The following FLI1 variants were observed in gnomAD, a reference collection of about 807,000 sequenced individuals.
FLI1 encodes Fli-1 proto-oncogene, ETS transcription factor.
FLI1 carries 13 observed loss-of-function variants against 53.1 expected under a neutral mutation model. The observed-to-expected ratio is 0.24, with a 90% CI of 0.16 to 0.39. The LOEUF is 0.39. Among genes scored for constraint, FLI1 ranks in the 10% least tolerant of loss-of-function variants. The probability of loss-of-function intolerance (pLI) is 1.00; values close to 1 mark genes in which losing one functional copy is unlikely to be tolerated. For missense variants in FLI1, 424 were observed against 600.5 expected, an observed-to-expected ratio of 0.71 and a Z score of 3.07; for synonymous variants, 244 against 236.7, an observed-to-expected ratio of 1.03 and a Z score of -0.28.
intron 2 of FLI1, among the ~76,000 whole-genome samples, chr11:128,761,400 C>T (rs1051090937): frequency 2.0e-5 from 3 of 152,196 alleles, no homozygotes; most frequent in Admixed American, 6.5e-5. Context: ...CTCACTGACA[C>T]GTGGGCAGGG....
chr11:128,809,459 T>C (rs143980672), intron 8 of FLI1, among the ~76,000 whole-genome samples: 1,542 of 152,260 alleles, frequency 0.01, 9 homozygotes, highest in Middle Eastern at 0.027. Context: ...TAGGTGTAGA[T>C]GAGTAATAAG....
intron 5 of FLI1, among the ~76,000 whole-genome samples, chr11:128,795,400 C>T (rs954129546): frequency 2.0e-5 from 3 of 152,080 alleles, no homozygotes; most frequent in East Asian, 1.9e-4. Context: ...TCAGTAAATA[C>T]CATTGAATAT....
chr11:128,698,614 G>GGCCA (rs1938187156), intron 1 of FLI1, among the ~76,000 whole-genome samples: 2 of 152,070 alleles, frequency 1.3e-5, no homozygotes. Context: ...TGCACCCTTA[G>GGCCA]GCCAGTGTTC....
intron 5 of FLI1, among the ~76,000 whole-genome samples, chr11:128,798,502 G>A (rs145096689): frequency 7.9e-5 from 12 of 152,222 alleles, no homozygotes; most frequent in South Asian, 6.2e-4. Flanking sequence ...CCTTTTCCTC[G>A]TAGGTCTTTT....
chr11:128,797,098 C>G (rs937179611), intron 5 of FLI1, among the ~76,000 whole-genome samples: 1 of 152,218 alleles, frequency 6.6e-6, no homozygotes, highest in African/African-American at 2.4e-5. Flanking sequence ...AGACATAGGT[C>G]AAAAGGCAAA....
intron 1 of FLI1, among the ~76,000 whole-genome samples, chr11:128,750,189 G>C (rs571220802): frequency 2.0e-5 from 3 of 152,196 alleles, no homozygotes; most frequent in Non-Finnish European, 4.4e-5. Context: ...GGCGGAGTGG[G>C]CCCACTGAGC....
At position 128,735,647 on chromosome 11, in the gene FLI1, T is replaced by C. The variant is rs542673309; in HGVS notation, c.19-22468T>C. ...GTCTAGATAAGATAGGAAAGGTAAC[T>C]TTATCACAGCTGTGTGACCCATGAT... is the stretch of plus-strand genomic sequence containing the variant. On this transcript the variant is annotated intron_variant, in intron 1 of 8. Transcript: ENST00000527786. 2.0e-5 allele frequency among the ~76,000 whole-genome samples: 3 copies of C among 152,298 alleles called. No homozygotes were observed. The East Asian group carries it at 5.8e-4, about 29-fold the overall frequency.
intron 1 of FLI1, among the ~76,000 whole-genome samples, chr11:128,719,133 T>C (rs969201572): frequency 6.6e-6 from 1 of 152,146 alleles, no homozygotes; most frequent in Non-Finnish European, 1.5e-5. Context: ...GTGGCCTGCC[T>C]GGATTGCAGT....
chr11:128,794,334 T>C (rs1472788451), intron 5 of FLI1, among the ~76,000 whole-genome samples: 4 of 152,222 alleles, frequency 2.6e-5, no homozygotes, highest in African/African-American at 9.6e-5. Context: ...AATGTGTTGG[T>C]TCTGCCTAGT....
chr11:128,710,360 C>G (rs74403971), intron 1 of FLI1, among the ~76,000 whole-genome samples: 1,800 of 152,118 alleles, frequency 0.012, 40 homozygotes, highest in African/African-American at 0.041. Flanking sequence ...ACGCATTGAA[C>G]TAGGTATTAG....
chr11:128,711,675 G>C (rs1938789706), intron 1 of FLI1, among the ~76,000 whole-genome samples: 1 of 152,142 alleles, frequency 6.6e-6, no homozygotes, highest in Non-Finnish European at 1.5e-5. Flanking sequence ...GGCGATTTCA[G>C]TTTCTCCATT....
At chr11:128,786,458 C>T (rs1434712108) in intron 5 of FLI1, among the ~76,000 whole-genome samples, 3 of 152,172 alleles carry the variant, frequency 2.0e-5, no homozygotes, top group East Asian at 3.9e-4. Context: ...TTCTTTCTGA[C>T]GTGTCCTCAT....
chr11:128,805,599 A>C (rs755290823), intron 6 of FLI1, 168 bp downstream of exon 6: 14 of 552,168 alleles, frequency 2.5e-5, no homozygotes, highest in Non-Finnish European at 4.5e-5. Flanking sequence ...CCAGTCCTTG[A>C]AAGATGATAT....
At chr11:128,796,914 G>T (rs185554164) in intron 5 of FLI1, among the ~76,000 whole-genome samples, 26 of 152,356 alleles carry the variant, frequency 1.7e-4, no homozygotes, top group African/African-American at 5.3e-4. Context: ...GACGGAAGTT[G>T]CAGTGAGCCG....
At chr11:128,768,345 C>T (rs1180422227) in intron 3 of FLI1, 73 bp downstream of exon 3, 9 of 1,561,722 alleles carry the variant, frequency 5.8e-6, no homozygotes, top group Admixed American at 1.7e-5. Context: ...GCATCTAAAC[C>T]TTTATCTGAT....
chr11:128,783,981 A>G (rs1171214467), intron 5 of FLI1, among the ~76,000 whole-genome samples: 1 of 151,918 alleles, frequency 6.6e-6, no homozygotes, highest in East Asian at 1.9e-4. Context: ...AAGCAAGGCT[A>G]TAAGGAAGGA....
At chr11:128,809,920 T>C (rs1942894760) in intron 8 of FLI1, among the ~76,000 whole-genome samples, 1 of 152,282 alleles carries the variant, frequency 6.6e-6, no homozygotes, top group East Asian at 1.9e-4. Flanking sequence ...AACTTAGAGC[T>C]GCAAGCCAAG....
At position 128,768,221 on chromosome 11, in the gene FLI1, C is replaced by T. The variant is rs776142665; in HGVS notation, c.334C>T (p.Pro112Ser). The change falls in exon 3 of 9, where the codon CCC (proline) becomes TCC (serine). Residue 112 changes from proline to serine, a missense_variant. Physicochemically the swap from Pro to Ser is moderately conservative, Grantham distance 74. Coordinates refer to ENST00000527786, the MANE Select transcript of FLI1 (RefSeq NM_002017.5). ...YNSYMDEKNG[P>S]PPPNMTTNER... ...CAGCTATATGGACGAGAAGAATGGC[C>T]CCCCTCCTCCCAACATGACCACCAA... 1.2e-6 allele frequency: 2 copies of T among 1,613,860 alleles called. No individual in the cohort carries two copies. Among genetic ancestry groups the T allele is most frequent in the Admixed American group, 1.7e-5 (1 of 59,998 alleles).
chr11:128,810,334 C>A lies in FLI1; in HGVS notation c.830-125C>A. 1 of 953,994 alleles carries A rather than the reference C, an allele frequency of 1.0e-6. No individual in the cohort carries two copies. Among genetic ancestry groups the A allele is most frequent in the Non-Finnish European group, 1.5e-6 (1 of 651,446 alleles). The allele number at this position is 953,994 out of a possible 1,614,324, so 59.1% of individuals were successfully genotyped here. A position where few individuals can be genotyped will look rare whatever the true frequency, so the allele number is the denominator to read the frequency against. On this transcript the variant is annotated intron_variant, in intron 8 of 8. Coordinates refer to ENST00000527786, the MANE Select transcript of FLI1 (RefSeq NM_002017.5). The surrounding 1 kb of genome is among the most constrained non-coding windows in gnomAD (Gnocchi z 6.6). ...ATAAGAAGGGCTTGTCAAGTCGATC[C>A]CAATGTCGAAGGAAACAAAAGGTTT...
Sources: gnomAD v4.1 joint callset for allele counts (sites outside exome capture counted in the v4.1 genomes callset) on GRCh38, gnomAD v4.1.1 for gene constraint, Gnocchi (gnomAD v3.1) non-coding constraint, MANE v1.5 for transcripts, NCBI Gene and HGNC (gene_info 2026-07-23, HGNC 2026-07-21) for gene names.